HSD17B12: variants seen among roughly 807,000 people sequenced by gnomAD.
HSD17B12 encodes the protein very-long-chain 3-oxoacyl-CoA reductase.
A neutral mutation model predicts 39.3 loss-of-function variants in HSD17B12; 32 were observed. That is an observed-to-expected ratio of 0.81 (90% confidence interval 0.61 to 1.09). The LOEUF (loss-of-function observed/expected upper bound fraction) is 1.09. Ranked by LOEUF, HSD17B12 falls within the 50% of genes least tolerant of loss-of-function variation. The pLI is 0.00. For synonymous variants in HSD17B12, 150 were observed against 146.7 expected, an observed-to-expected ratio of 1.02 and a Z score of -0.16; for missense variants, 342 against 382.9, an observed-to-expected ratio of 0.89 and a Z score of 0.89.
At chr11:43,667,379 T>C in the HSD17B12 span, among the ~76,000 whole-genome samples, 1 of 152,166 alleles carries the variant, frequency 6.6e-6, no homozygotes, top group Non-Finnish European at 1.5e-5. Flanking sequence ...CTTGAACTCC[T>C]GACCTCAAGT....
intron 3 of HSD17B12, 129 bp from the exon 4 acceptor site, chr11:43,798,190 TG>T (rs1950931255): frequency 6.4e-6 from 4 of 620,578 alleles, no homozygotes; most frequent in Non-Finnish European, 1.1e-5. Context: ...AAAATTATCC[TG>T]GTGTAAATTT....
chr11:43,771,587 C>T (rs1950650692), intron 3 of HSD17B12, among the ~76,000 whole-genome samples: 1 of 151,270 alleles, frequency 6.6e-6, no homozygotes, highest in African/African-American at 2.4e-5. Flanking sequence ...CTGCCTCAAC[C>T]TCCCCAGTAA....
chr11:43,801,520 G>A (rs934678820), intron 4 of HSD17B12, among the ~76,000 whole-genome samples: 8 of 149,446 alleles, frequency 5.4e-5, no homozygotes, highest in Non-Finnish European at 1.0e-4. Flanking sequence ...CTTTTGGGGA[G>A]TGAAGATCAT....
rs780235508 is a variant in HSD17B12 at position 43,840,060 on chromosome 11, T to G, written c.680T>G (p.Val227Gly). 1.9e-6 allele frequency: 3 copies of G among 1,611,906 alleles called. No homozygotes were observed. Among genetic ancestry groups the G allele is most frequent in the Non-Finnish European group, 1.7e-6 (2 of 1,178,710 alleles). ...GAGTATAGGAGCAAGGGCGTCTTTG[T>G]GCAGGTGAGTGGAGTTTGTTTCACT... is the stretch of plus-strand genomic sequence containing the variant. Reference protein sequence around the residue: ...HEEYRSKGVFVQSVLPYFVAT... With the variant: ...HEEYRSKGVFGQSVLPYFVAT... Residue 227 changes from valine (V) to glycine (G), a missense_variant, in exon 9 of 11, where the codon GTG becomes GGG. Transcript: ENST00000278353.
At chr11:43,639,906 T>TA in the HSD17B12 span, among the ~76,000 whole-genome samples, 1 of 152,138 alleles carries the variant, frequency 6.6e-6, no homozygotes, top group African/African-American at 2.4e-5. Context: ...TATTCACCTG[T>TA]ATGAGAACCC....
chr11:43,622,946 T>TAC, the HSD17B12 span, among the ~76,000 whole-genome samples: 7 of 152,140 alleles, frequency 4.6e-5, no homozygotes, highest in Non-Finnish European at 1.0e-4. Context: ...TCTACAAGGT[T>TAC]TATGATCAAA....
the HSD17B12 span, among the ~76,000 whole-genome samples, chr11:43,652,754 C>T: frequency 6.6e-6 from 1 of 152,098 alleles, no homozygotes; most frequent in Non-Finnish European, 1.5e-5. Context: ...AGGCACACAC[C>T]CTCCAGGAAA....
At chr11:43,817,035 T>G (rs1363187706) in intron 6 of HSD17B12, among the ~76,000 whole-genome samples, 7 of 23,788 alleles carry the variant, frequency 2.9e-4, no homozygotes, top group African/African-American at 7.7e-4. Flanking sequence ...TATCTATATC[T>G]ATATCTATAT....
chr11:43,632,179 A>G, the HSD17B12 span, among the ~76,000 whole-genome samples: 1 of 152,206 alleles, frequency 6.6e-6, no homozygotes, highest in South Asian at 2.1e-4. Flanking sequence ...AAGGAGATAA[A>G]CAATTCAACA....
chr11:43,641,157 G>C, the HSD17B12 span: 1 of 151,830 alleles, frequency 6.6e-6, no homozygotes, highest in Non-Finnish European at 1.5e-5. Context: ...GAAGATGATA[G>C]AAAGCAGGAT....
chr11:43,730,428 A>T (rs558850617), intron 1 of HSD17B12, among the ~76,000 whole-genome samples: 1 of 152,306 alleles, frequency 6.6e-6, no homozygotes, highest in South Asian at 2.1e-4. Context: ...CTGGGGGTTT[A>T]CCAAAAAGTA....
chr11:43,752,502 T>G (rs1024769056), intron 2 of HSD17B12, among the ~76,000 whole-genome samples: 1 of 151,976 alleles, frequency 6.6e-6, no homozygotes, highest in Non-Finnish European at 1.5e-5. Flanking sequence ...TCACCTGAGG[T>G]CAGGAGTTCA....
chr11:43,603,093 C>T, the HSD17B12 span, among the ~76,000 whole-genome samples: 3 of 152,214 alleles, frequency 2.0e-5, no homozygotes, highest in Non-Finnish European at 4.4e-5. Context: ...CACATCAAGA[C>T]TGGCAGAATA....
At chr11:43,617,556 A>G in the HSD17B12 span, among the ~76,000 whole-genome samples, 1 of 152,152 alleles carries the variant, frequency 6.6e-6, no homozygotes, top group Non-Finnish European at 1.5e-5. Flanking sequence ...TTATGGCAAG[A>G]TCATTTCTCT....
the HSD17B12 span, among the ~76,000 whole-genome samples, chr11:43,602,435 C>T: frequency 5.9e-5 from 9 of 152,082 alleles, no homozygotes; most frequent in African/African-American, 2.2e-4. Flanking sequence ...TCCTTTTGTA[C>T]AACTCATTAA....
intron 3 of HSD17B12, among the ~76,000 whole-genome samples, chr11:43,796,403 T>C (rs1020887405): frequency 6.6e-6 from 1 of 152,170 alleles, no homozygotes; most frequent in Admixed American, 6.6e-5. Context: ...AAAAGTTGTT[T>C]TTTAAAAAAG....
At chr11:43,620,798 T>C in the HSD17B12 span, among the ~76,000 whole-genome samples, 5 of 152,242 alleles carry the variant, frequency 3.3e-5, no homozygotes, top group Admixed American at 1.3e-4. Flanking sequence ...ATTTGTTACC[T>C]CTGAGCTGAG....
At chr11:43,824,906 G>A (rs1156541604) in intron 6 of HSD17B12, among the ~76,000 whole-genome samples, 7 of 152,216 alleles carry the variant, frequency 4.6e-5, no homozygotes. Flanking sequence ...TGAGGCAGGA[G>A]GATCACTTGA....
At chr11:43,672,524 G>T in the HSD17B12 span, among the ~76,000 whole-genome samples, 1 of 152,188 alleles carries the variant, frequency 6.6e-6, no homozygotes, top group South Asian at 2.1e-4. Context: ...AGTTGATATT[G>T]CAATATTAAA....
Sources: allele counts gnomAD v4.1 joint callset (sites outside exome capture counted in the v4.1 genomes callset), GRCh38; gene constraint gnomAD v4.1.1; transcripts MANE v1.5; gene names NCBI Gene and HGNC (gene_info 2026-07-23, HGNC 2026-07-21).